The following IL5RA variants were observed in gnomAD, a reference collection of about 807,000 sequenced individuals.
IL5RA encodes the protein interleukin 5 receptor subunit alpha.
A neutral mutation model predicts 50.0 loss-of-function variants in IL5RA; 49 were observed. The ratio of observed to expected loss-of-function variants is 0.98; its 90% CI spans 0.78 to 1.24. The LOEUF (loss-of-function observed/expected upper bound fraction) is 1.24, where lower values mean the gene tolerates loss of function less well. Among genes scored for constraint, IL5RA ranks in the 50% most tolerant of loss-of-function variants. IL5RA has a pLI of 0.00. For missense variants in IL5RA, 600 were observed against 500.4 expected, an observed-to-expected ratio of 1.20 and a Z score of -1.90; for synonymous variants, 202 against 174.0, an observed-to-expected ratio of 1.16 and a Z score of -1.26.
rs1411676403 is a variant in IL5RA, at chr3:3,110,155, T to C, written c.-356A>G. 6.6e-6 allele frequency: 1 copy of C among 152,210 alleles called. No homozygotes were observed. The highest frequency in any genetic ancestry group is 1.5e-5 in the Non-Finnish European group (1 of 68,048). The allele number at this position is 152,210 out of a possible 1,614,324, so 9.4% of individuals were successfully genotyped here. On this transcript the variant is annotated 5_prime_UTR_variant, in exon 1 of 12. Coordinates refer to ENST00000446632, the MANE Select transcript of IL5RA (RefSeq NM_175726.4). ...TGGAGGAGGATTTGTACAGAGCAAC[T>C]GTGCAGGAGCTGAACTGGAACTCCC...
intron 7 of IL5RA, among the ~76,000 whole-genome samples, chr3:3,096,155 G>A (rs1244656831): frequency 6.6e-6 from 1 of 152,012 alleles, no homozygotes; most frequent in Non-Finnish European, 1.5e-5. Flanking sequence ...GTGGGCGCCT[G>A]TAGTCCCAGC....
At chr3:3,097,045 G>A (rs17882111) in intron 7 of IL5RA, among the ~76,000 whole-genome samples, 5,688 of 152,220 alleles carry the variant, frequency 0.037, 244 homozygotes, top group African/African-American at 0.11. Context: ...CAGGCAGTCT[G>A]GCCCCACAGC....
chr3:3,079,257 A>C (rs1702586167), intron 9 of IL5RA, among the ~76,000 whole-genome samples: 1 of 152,124 alleles, frequency 6.6e-6, no homozygotes, highest in South Asian at 2.1e-4. Flanking sequence ...TGGATCTTAA[A>C]CTGTCCGTAG....
chr3:3,080,602 T>C (rs1702629457), intron 9 of IL5RA, among the ~76,000 whole-genome samples: 1 of 152,246 alleles, frequency 6.6e-6, no homozygotes, highest in Admixed American at 6.5e-5. Flanking sequence ...GCTTCTCTAA[T>C]TAAAGGTGGC....
At chr3:3,076,416 A>G (rs1702484651) in intron 10 of IL5RA, 115 bp downstream of exon 10, 1 of 680,200 alleles carries the variant, frequency 1.5e-6, no homozygotes, top group Non-Finnish European at 2.6e-6. Flanking sequence ...AGGCACAAAA[A>G]TGCCACAAAT....
At chr3:3,074,132 T>C (rs1486783254) in intron 11 of IL5RA, among the ~76,000 whole-genome samples, 1 of 152,220 alleles carries the variant, frequency 6.6e-6, no homozygotes, top group Non-Finnish European at 1.5e-5. Flanking sequence ...CTCTGAATGG[T>C]GAACAGGCCT....
chr3:3,099,458 A>C (rs1316154311), intron 5 of IL5RA, among the ~76,000 whole-genome samples: 15 of 152,142 alleles, frequency 9.9e-5, no homozygotes, highest in Admixed American at 9.8e-4. Context: ...GCAAAACCCC[A>C]ACTCTACAAA....
intron 9 of IL5RA, among the ~76,000 whole-genome samples, chr3:3,085,817 C>G (rs1285666392): frequency 6.6e-6 from 1 of 152,162 alleles, no homozygotes; most frequent in Non-Finnish European, 1.5e-5. Context: ...GAGACCCCCA[C>G]TCCACCAGCT....
intron 9 of IL5RA, among the ~76,000 whole-genome samples, chr3:3,077,741 C>T (rs1022103305): frequency 1.3e-5 from 2 of 152,308 alleles, no homozygotes; most frequent in African/African-American, 4.8e-5. Context: ...GCACTCCAGT[C>T]TGGGGGACAG....
intron 9 of IL5RA, among the ~76,000 whole-genome samples, chr3:3,088,992 G>A (rs902254540): frequency 1.3e-5 from 2 of 152,128 alleles, no homozygotes; most frequent in Non-Finnish European, 2.9e-5. Context: ...TCCCTCCTGG[G>A]GAACAGAGTG....
intron 8 of IL5RA, among the ~76,000 whole-genome samples, chr3:3,094,734 G>GT (rs1289424126): frequency 6.9e-6 from 1 of 144,800 alleles, no homozygotes; most frequent in Non-Finnish European, 1.5e-5. Flanking sequence ...TTTTGTTTTT[G>GT]TTTTTTTAGA....
In IL5RA at chr3:3,092,179, A is replaced by G. The variant is rs1559870810; in HGVS notation, c.994+45T>C. On this transcript the variant is annotated intron_variant, in intron 9 of 11. Transcript: ENST00000446632. This position sits in a 1 kb window ranked among gnomAD's most constrained non-coding sequence, Gnocchi z 4.2. ...TACGTTTCTGGGATTACCTTTTTTG[A>G]TCACAAGGAAGGCTGCCAATGTAAA... The G allele has an allele frequency of 1.3e-6, 2 of 1,594,536 alleles. No homozygotes were observed. Among genetic ancestry groups the G allele is most frequent in the Non-Finnish European group, 1.7e-6 (2 of 1,172,114 alleles).
intron 9 of IL5RA, among the ~76,000 whole-genome samples, chr3:3,080,784 T>G (rs1177226498): frequency 6.6e-6 from 1 of 152,186 alleles, no homozygotes; most frequent in Non-Finnish European, 1.5e-5. Flanking sequence ...AGATTCTAAC[T>G]CCTGGGTTCA....
At chr3:3,073,867 A>G (rs752203485) in intron 11 of IL5RA, 4 of 433,730 alleles carry the variant, frequency 9.2e-6, no homozygotes, top group Non-Finnish European at 1.8e-5. Flanking sequence ...TCACTTTTGG[A>G]GGCCTTCCAC....
rs1281468827 is a variant in IL5RA at position 3,097,873 on chromosome 3, T to A, written c.706A>T (p.Ile236Phe). The A allele has an allele frequency of 1.9e-6, 3 of 1,612,162 alleles. No homozygotes were observed. The highest frequency in any genetic ancestry group is 1.3e-5 in the African/African-American group (1 of 74,882). The change falls in exon 7 of 12, where the codon ATT becomes TTT. Residue 236 changes from isoleucine (I) to phenylalanine (F), a missense_variant. By Grantham distance (21) the Ile-to-Phe change is conservative. Transcript: ENST00000446632. ...CTTTGGGTTAAGTCGGTCTTACCAA[T>A]GGCGTGAAGGGCAAACAGCTGATCA... is the stretch of plus-strand genomic sequence containing the variant. ...PFDQLFALHAIDQINPPLNVT... is the reference protein window; with the variant it reads ...PFDQLFALHAFDQINPPLNVT...
Position 3,095,449 on chromosome 3 carries a change from G to C in IL5RA, c.710-5C>G, listed in dbSNP as rs1469068603. On this transcript the variant is annotated splice_region_variant and splice_polypyrimidine_tract_variant and intron_variant, in intron 7 of 11. Coordinates refer to ENST00000446632, the MANE Select transcript of IL5RA (RefSeq NM_175726.4). Reference sequence around the variant, plus strand: ...TCAGTGGAGGATTTATTTGATCTAAGTTAGGGAACGAAAGATCAGTGATTT... The same window carrying C: ...TCAGTGGAGGATTTATTTGATCTAACTTAGGGAACGAAAGATCAGTGATTT... The C allele has an allele frequency of 6.3e-7, 1 of 1,594,154 alleles. No homozygotes were observed. The highest frequency in any genetic ancestry group is 8.5e-7 in the Non-Finnish European group (1 of 1,173,694).
intron 5 of IL5RA, among the ~76,000 whole-genome samples, chr3:3,098,729 A>T (rs909893557): frequency 6.6e-6 from 1 of 152,166 alleles, no homozygotes; most frequent in African/African-American, 2.4e-5. Context: ...CTAGAAACCT[A>T]CTAACTACAA....
chr3:3,080,919 C>G (rs1027815406), intron 9 of IL5RA, among the ~76,000 whole-genome samples: 1 of 152,218 alleles, frequency 6.6e-6, no homozygotes, highest in African/African-American at 2.4e-5. Flanking sequence ...TGGTCTCAAA[C>G]TCCTAAACTC....
At position 3,095,325 on chromosome 3, in the gene IL5RA, G is replaced by C. The variant is rs1246959288; in HGVS notation, c.829C>G (p.His277Asp). Reference protein sequence around the residue: ...IHCFDYEVKIHNTRNGYLQIE... With the variant: ...IHCFDYEVKIDNTRNGYLQIE... The stretch of plus-strand genomic sequence containing the variant: ...TGCAAATATCCATTCCTTGTATTGT[G>C]TATTTTTACTTCATAATCAAAGCAA... The change falls in exon 8 of 12, where the codon CAC becomes GAC. Residue 277 changes from histidine (H) to aspartate (D), a missense_variant. Transcript: ENST00000446632. 6.2e-7 allele frequency: 1 copy of C among 1,602,384 alleles called. No homozygotes were observed. The highest frequency in any genetic ancestry group is 8.5e-7 in the Non-Finnish European group (1 of 1,170,330).
Sources: gnomAD v4.1 joint callset for allele counts (sites outside exome capture counted in the v4.1 genomes callset) on GRCh38, gnomAD v4.1.1 for gene constraint, Gnocchi (gnomAD v3.1) non-coding constraint, MANE v1.5 for transcripts, NCBI Gene and HGNC (gene_info 2026-07-23, HGNC 2026-07-21) for gene names.